The following DIP2C variants were observed in gnomAD, a reference collection of about 807,000 sequenced individuals.
DIP2C encodes DIP2 acetate--CoA ligase C (putative), also known as disco-interacting protein 2 homolog C.
In DIP2C, 33 loss-of-function variants were observed where a neutral mutation model predicts 192.4. The observed-to-expected ratio is 0.17, with a 90% CI of 0.13 to 0.23. The LOEUF (loss-of-function observed/expected upper bound fraction) is 0.23, where lower values mean the gene tolerates loss of function less well. DIP2C is among the 10% of genes least tolerant of loss of function. The probability of loss-of-function intolerance (pLI) is 1.00; values close to 1 mark genes in which losing one functional copy is unlikely to be tolerated. For missense variants in DIP2C, 1,537 were observed against 2,110.1 expected (o/e 0.73, Z 5.32); for synonymous variants, 979 against 864.1 (o/e 1.13, Z -2.33).
chr10:456,388 G>A lies in DIP2C; in HGVS notation c.269-15392C>T, dbSNP rs186896117. Among the ~76,000 whole-genome samples the A allele has an allele frequency of 1.9e-3, 280 of 143,642 alleles. 8 individuals carry two copies. Among genetic ancestry groups the A allele is most frequent in the African/African-American group, 6.9e-3 (247 of 35,550 alleles). 94.2% of individuals were successfully genotyped at this position (143,642 alleles called of 152,430 possible). On this transcript the variant is annotated intron_variant, in intron 3 of 36. Transcript: ENST00000280886. Reference sequence around the variant, plus strand: ...AAATGAGATGAGAACACTCTGCAGTGAGTCCCTGCCTGAGGGGAGGCTGTG... The same window carrying A: ...AAATGAGATGAGAACACTCTGCAGTAAGTCCCTGCCTGAGGGGAGGCTGTG...
intron 1 of DIP2C, among the ~76,000 whole-genome samples, chr10:615,437 AT>A (rs1307741242): frequency 6.6e-6 from 1 of 152,144 alleles, no homozygotes; most frequent in Non-Finnish European, 1.5e-5. Flanking sequence ...GGGACGCTAA[AT>A]TTGAACTTTC....
chr10:431,230 TTG>T (rs1419943219), intron 4 of DIP2C, among the ~76,000 whole-genome samples: 1 of 152,174 alleles, frequency 6.6e-6, no homozygotes, highest in Non-Finnish European at 1.5e-5. Context: ...AATCAGTGTG[TTG>T]ATATTGAAAA....
chr10:367,974 G>A (rs4995175), intron 18 of DIP2C, among the ~76,000 whole-genome samples: 7,206 of 65,196 alleles, frequency 0.11, 339 homozygotes, highest in South Asian at 0.23. Context: ...TGCCTCCGAC[G>A]GGGGCCCGGG....
At chr10:304,090 A>C (rs1304839277) in intron 32 of DIP2C, among the ~76,000 whole-genome samples, 1 of 152,198 alleles carries the variant, frequency 6.6e-6, no homozygotes, top group African/African-American at 2.4e-5. Context: ...AATATGCTCT[A>C]AGATAACGAC....
At chr10:571,161 A>C (rs930274491) in intron 1 of DIP2C, among the ~76,000 whole-genome samples, 5 of 152,244 alleles carry the variant, frequency 3.3e-5, no homozygotes, top group Non-Finnish European at 4.4e-5. Flanking sequence ...CCGCTCAGCT[A>C]AACCGGGAAA....
At chr10:542,854 A>G (rs1848078962) in intron 1 of DIP2C, among the ~76,000 whole-genome samples, 2 of 152,030 alleles carry the variant, frequency 1.3e-5, no homozygotes, top group African/African-American at 4.8e-5. Flanking sequence ...TCTATACCAC[A>G]GATCATCAGA....
At chr10:431,893 T>C (rs1966859902) in intron 4 of DIP2C, among the ~76,000 whole-genome samples, 1 of 152,226 alleles carries the variant, frequency 6.6e-6, no homozygotes, top group African/African-American at 2.4e-5. Flanking sequence ...TTTTTGTCCA[T>C]ATTCTTTATC....
At position 373,614 on chromosome 10, in the gene DIP2C, G is replaced by A. The variant is rs146943513; in HGVS notation, c.1992-3981C>T. On this transcript the variant is annotated intron_variant, in intron 17 of 36. Transcript: ENST00000280886. ...GCTCTGTGCTAAAGGGTGGAAGGCTGCCCTGACACACCATAAACTAAGCCC... is the reference window on the plus strand; with the variant it reads ...GCTCTGTGCTAAAGGGTGGAAGGCTACCCTGACACACCATAAACTAAGCCC... Among the ~76,000 whole-genome samples, 923 of 152,198 alleles carry A rather than the reference G, an allele frequency of 6.1e-3. 4 individuals carry two copies. The highest frequency in any genetic ancestry group is 0.014 in the Middle Eastern group (4 of 294).
chr10:503,792 C>A (rs1174713417), intron 1 of DIP2C, among the ~76,000 whole-genome samples: 1 of 152,210 alleles, frequency 6.6e-6, no homozygotes, highest in Non-Finnish European at 1.5e-5. Context: ...ACAGGACAAT[C>A]CTCCTTTGTC....
intron 1 of DIP2C, among the ~76,000 whole-genome samples, chr10:618,532 C>T (rs924912617): frequency 1.3e-5 from 2 of 152,236 alleles, no homozygotes; most frequent in Non-Finnish European, 2.9e-5. Context: ...TACCACACAG[C>T]GTCCACGCCA....
At chr10:581,293 C>T (rs1773487) in intron 1 of DIP2C, among the ~76,000 whole-genome samples, 144,520 of 152,298 alleles carry the variant, frequency 0.95, 68,627 homozygotes, top group Middle Eastern at 0.98. Context: ...TACATCCACA[C>T]CCAACTTTCT....
At chr10:509,096 T>C (rs2130758385) in intron 1 of DIP2C, among the ~76,000 whole-genome samples, 1 of 152,276 alleles carries the variant, frequency 6.6e-6, no homozygotes, top group Non-Finnish European at 1.5e-5. Flanking sequence ...AGGCCCAAGA[T>C]ATCTAGTGGC....
At position 473,057 on chromosome 10, in the gene DIP2C, A is replaced by C. The variant is rs150191672; in HGVS notation, c.158-508T>G. Reference sequence around the variant, plus strand: ...GAACGTCCAGCTTTGCTCATTCCAGATTACTCTCTGGAAACTTACTCCATT... The same window carrying C: ...GAACGTCCAGCTTTGCTCATTCCAGCTTACTCTCTGGAAACTTACTCCATT... On this transcript the variant is annotated intron_variant, in intron 2 of 36. Transcript: ENST00000280886. 2.6e-3 allele frequency among the ~76,000 whole-genome samples: 392 copies of C among 152,334 alleles called. 1 individual carries two copies. Among genetic ancestry groups the C allele is most frequent in the Non-Finnish European group, 3.3e-3 (226 of 68,028 alleles).
chr10:344,634 G>A (rs1028194898), intron 28 of DIP2C, among the ~76,000 whole-genome samples, 175 bp downstream of exon 28: 1 of 152,172 alleles, frequency 6.6e-6, no homozygotes, highest in Non-Finnish European at 1.5e-5. Flanking sequence ...CAGTCAGCCT[G>A]GTTAAGGATG....
chr10:569,436 AATG>A (rs1392726426), intron 1 of DIP2C, among the ~76,000 whole-genome samples: 5 of 130,180 alleles, frequency 3.8e-5, no homozygotes, highest in Non-Finnish European at 6.5e-5. Context: ...TGAGATACAT[AATG>A]ATGTGTGACA....
At chr10:515,577 A>G (rs538521188) in intron 1 of DIP2C, among the ~76,000 whole-genome samples, 1 of 152,276 alleles carries the variant, frequency 6.6e-6, no homozygotes, top group East Asian at 1.9e-4. Flanking sequence ...TTTTGTAATT[A>G]GCCAAGCGTG....
intron 1 of DIP2C, among the ~76,000 whole-genome samples, chr10:688,524 T>C (rs927060584): frequency 1.3e-5 from 2 of 152,110 alleles, no homozygotes; most frequent in Non-Finnish European, 2.9e-5. Flanking sequence ...TTCACCATGC[T>C]AAACTGCTCC....
At chr10:551,205 G>A (rs1376698472) in intron 1 of DIP2C, among the ~76,000 whole-genome samples, 1 of 152,174 alleles carries the variant, frequency 6.6e-6, no homozygotes, top group Non-Finnish European at 1.5e-5. Context: ...TGCTGACACT[G>A]CCTCAAGCGC....
chr10:292,581 G>A lies in DIP2C; in HGVS notation c.3987-4160C>T, dbSNP rs114681905. On this transcript the variant is annotated intron_variant, in intron 32 of 36. Coordinates refer to ENST00000280886, the MANE Select transcript of DIP2C (RefSeq NM_014974.3). ...CCTGTTTTGCTAGAAGCGACGTCTC[G>A]GAAGGCTGAAGCCCTGATGGCGCCG... Among the ~76,000 whole-genome samples the A allele has an allele frequency of 2.8e-3, 419 of 152,320 alleles. 2 individuals carry two copies. The highest frequency in any genetic ancestry group is 9.7e-3 in the African/African-American group (404 of 41,574).
Sources: gnomAD v4.1 joint callset for allele counts (sites outside exome capture counted in the v4.1 genomes callset) on GRCh38, gnomAD v4.1.1 for gene constraint, MANE v1.5 for transcripts, NCBI Gene and HGNC (gene_info 2026-07-23, HGNC 2026-07-21) for gene names.